The following LPCAT1 variants were observed in gnomAD, a reference collection of about 807,000 sequenced individuals.
LPCAT1 encodes 1-acylglycerol-3-phosphate O-acyltransferase.
Under a neutral mutation model 60.9 loss-of-function variants are expected in LPCAT1, and 23 were observed. The ratio of observed to expected loss-of-function variants is 0.38; its 90% CI spans 0.27 to 0.53. The LOEUF is 0.53. Ranked by LOEUF, LPCAT1 falls within the 20% of genes least tolerant of loss-of-function variation. The pLI is 0.82. For synonymous variants in LPCAT1, 340 were observed against 301.1 expected (o/e 1.13, Z -1.34); for missense variants, 622 against 723.6 (o/e 0.86, Z 1.61).
At chr5:1,498,152 G>A (rs770616229) in intron 2 of LPCAT1, among the ~76,000 whole-genome samples, 52 of 152,156 alleles carry the variant, frequency 3.4e-4, no homozygotes, top group Admixed American at 5.9e-4. Context: ...AGTGCATAAC[G>A]TGAGCCAACT....
chr5:1,490,538 C>T (rs531839713), intron 3 of LPCAT1, among the ~76,000 whole-genome samples: 8 of 152,230 alleles, frequency 5.3e-5, no homozygotes, highest in African/African-American at 1.7e-4. Context: ...GAGCCCAATG[C>T]GGCCAGCACT....
At chr5:1,473,909 A>C (rs1275142282) in intron 11 of LPCAT1, 48 bp downstream of exon 11, 3 of 1,583,970 alleles carry the variant, frequency 1.9e-6, no homozygotes, top group Non-Finnish European at 2.6e-6. Flanking sequence ...ATGCTTCAAA[A>C]AGCAGGAGGT....
Position 1,480,974 on chromosome 5 carries a change from G to A in LPCAT1, c.729C>T (p.Asp243=), listed in dbSNP as rs1259430485. 3 of 1,613,784 alleles carry A rather than the reference G, an allele frequency of 1.9e-6. No homozygotes were observed. The highest frequency in any genetic ancestry group is 1.7e-6 in the Non-Finnish European group (2 of 1,180,012). The change falls in exon 7 of 14, where the codon GAC becomes GAT. Residue 243 remains aspartate (D), a splice_region_variant and synonymous_variant. Coordinates refer to ENST00000283415, the MANE Select transcript of LPCAT1 (RefSeq NM_024830.5). The surrounding 1 kb of genome is among the most constrained non-coding windows in gnomAD (Gnocchi z 6.4). ...GTCCTTGCCACGTCCATGTGATGGT[G>A]TCCTGGGGAGGAAGAGGCAGGGTCA... ...PVVLRYPNKL[D]TITWTWQGPG... is the part of the protein sequence containing the mutation.
rs1176257917 is a variant in LPCAT1, at chr5:1,483,666, A to G, written c.668-180T>C. Among the ~76,000 whole-genome samples the G allele has an allele frequency of 1.3e-5, 2 of 152,246 alleles. No homozygotes were observed. The highest frequency in any genetic ancestry group is 2.9e-5 in the Non-Finnish European group (2 of 68,046). Reference sequence around the variant, plus strand: ...GTCCTGACCGTAAACACCCAGCGCCACAGCACGGATGGGCAGGAACATCGG... The same window carrying G: ...GTCCTGACCGTAAACACCCAGCGCCGCAGCACGGATGGGCAGGAACATCGG... On this transcript the variant is annotated intron_variant, in intron 5 of 13. Transcript: ENST00000283415. This position sits in a 1 kb window ranked among gnomAD's most constrained non-coding sequence, Gnocchi z 9.2.
Position 1,502,894 on chromosome 5 carries a change from G to C in LPCAT1, c.136-1291C>G, listed in dbSNP as rs1255795643. ...GCCACATGTGTCATTTTAAATTTTC[G>C]AGTGGCCACATTTAAAGGGAATGAC... On this transcript the variant is annotated intron_variant, in intron 1 of 13. Transcript: ENST00000283415. This position sits in a 1 kb window ranked among gnomAD's most constrained non-coding sequence, Gnocchi z 5.5. Among the ~76,000 whole-genome samples the C allele has an allele frequency of 6.6e-6, 1 of 151,948 alleles. No homozygotes were observed. Among genetic ancestry groups the C allele is most frequent in the Non-Finnish European group, 1.5e-5 (1 of 68,024 alleles).
chr5:1,467,197 G>A (rs1734451604), intron 12 of LPCAT1: 2 of 326,114 alleles, frequency 6.1e-6, no homozygotes, highest in Non-Finnish European at 1.1e-5. Flanking sequence ...CTGCCACTGG[G>A]AGGCCGCGGA....
chr5:1,481,081 G>T lies in LPCAT1; in HGVS notation c.727-105C>A. On this transcript the variant is annotated intron_variant, in intron 6 of 13. Coordinates refer to ENST00000283415, the MANE Select transcript of LPCAT1 (RefSeq NM_024830.5). The surrounding 1 kb of genome is among the most constrained non-coding windows in gnomAD (Gnocchi z 7.8). Reference sequence around the variant, plus strand: ...TCCCTGCACCTCCCACCCCACAGAGGCGCTGCAGCCAGGGGGAAGGGAGGA... The same window carrying T: ...TCCCTGCACCTCCCACCCCACAGAGTCGCTGCAGCCAGGGGGAAGGGAGGA... 7.3e-7 allele frequency: 1 copy of T among 1,373,118 alleles called. No individual in the cohort carries two copies. The highest frequency in any genetic ancestry group is 1.0e-6 in the Non-Finnish European group (1 of 970,720). The allele number at this position is 1,373,118 out of a possible 1,614,324, so 85.1% of individuals were successfully genotyped here. A position where few individuals can be genotyped will look rare whatever the true frequency, so the allele number is the denominator to read the frequency against.
intron 1 of LPCAT1, among the ~76,000 whole-genome samples, chr5:1,507,110 G>T (rs1485849136): frequency 6.6e-6 from 1 of 152,192 alleles, no homozygotes; most frequent in Non-Finnish European, 1.5e-5. Flanking sequence ...GCGGAGAGGG[G>T]GAGGGACTCA....
rs1579778010 is a variant in LPCAT1 at position 1,483,770 on chromosome 5, T to C, written c.668-284A>G. ...CTGGAAGGCGTCTGTGGAGGGACAC[T>C]TGCTATTATAACATTGCGCACGAGC... On this transcript the variant is annotated intron_variant, in intron 5 of 13. Transcript: ENST00000283415. This position sits in a 1 kb window ranked among gnomAD's most constrained non-coding sequence, Gnocchi z 9.2. Among the ~76,000 whole-genome samples, 2 of 150,810 alleles carry C rather than the reference T, an allele frequency of 1.3e-5. No homozygotes were observed. Among genetic ancestry groups the C allele is most frequent in the African/African-American group, 4.9e-5 (2 of 40,996 alleles).
At chr5:1,484,782 G>A (rs1357176872) in intron 5 of LPCAT1, among the ~76,000 whole-genome samples, 3 of 152,248 alleles carry the variant, frequency 2.0e-5, no homozygotes, top group Non-Finnish European at 2.9e-5. Flanking sequence ...TGTCCAGCTG[G>A]CACCCCAAGT....
chr5:1,506,234 G>A (rs1415929307), intron 1 of LPCAT1, among the ~76,000 whole-genome samples: 1 of 152,198 alleles, frequency 6.6e-6, no homozygotes, highest in East Asian at 1.9e-4. Context: ...AGGAGGAGGA[G>A]CAGTGCTCCT....
chr5:1,520,619 G>A (rs1274803405), intron 1 of LPCAT1, among the ~76,000 whole-genome samples: 1 of 152,148 alleles, frequency 6.6e-6, no homozygotes, highest in Non-Finnish European at 1.5e-5. Flanking sequence ...CCAGCACTTT[G>A]GGAGGCCGAG....
chr5:1,469,225 G>A (rs1160756984), intron 12 of LPCAT1, among the ~76,000 whole-genome samples: 4 of 152,120 alleles, frequency 2.6e-5, no homozygotes, highest in African/African-American at 7.2e-5. Flanking sequence ...CTCACCCATC[G>A]CCTGGTTCAC....
chr5:1,469,123 C>T (rs1261468321), intron 12 of LPCAT1, among the ~76,000 whole-genome samples: 1 of 152,182 alleles, frequency 6.6e-6, no homozygotes, highest in Non-Finnish European at 1.5e-5. Context: ...CCTGGTGTCG[C>T]CGTGGGGACG....
At chr5:1,505,435 ACTGCCAG>A (rs1736152849) in intron 1 of LPCAT1, among the ~76,000 whole-genome samples, 1 of 152,274 alleles carries the variant, frequency 6.6e-6, no homozygotes, top group Non-Finnish European at 1.5e-5. Context: ...AACAGCACCG[ACTGCCAG>A]GCCATTCCAT....
intron 1 of LPCAT1, among the ~76,000 whole-genome samples, chr5:1,507,340 A>AT (rs1736218069): frequency 6.6e-6 from 1 of 152,256 alleles, no homozygotes; most frequent in African/African-American, 2.4e-5. Context: ...TGTGTGAGCC[A>AT]TAAGTGAGGG....
intron 5 of LPCAT1, among the ~76,000 whole-genome samples, chr5:1,484,191 AG>A (rs1471446032): frequency 1.3e-5 from 2 of 152,166 alleles, no homozygotes; most frequent in African/African-American, 4.8e-5. Flanking sequence ...AATCAGGAGG[AG>A]CCCCAGCGAG....
intron 8 of LPCAT1, among the ~76,000 whole-genome samples, chr5:1,478,033 G>A (rs983485778): frequency 2.0e-5 from 3 of 152,274 alleles, no homozygotes; most frequent in Non-Finnish European, 4.4e-5. Flanking sequence ...ATCTCACAGA[G>A]GGGCTTACGC....
chr5:1,472,266 G>A (rs1734712815), intron 11 of LPCAT1, among the ~76,000 whole-genome samples: 1 of 152,086 alleles, frequency 6.6e-6, no homozygotes, highest in Non-Finnish European at 1.5e-5. Flanking sequence ...GAGCACCCAG[G>A]GGCAGAGGGA....
Sources: gnomAD v4.1 joint callset for allele counts (sites outside exome capture counted in the v4.1 genomes callset) on GRCh38, gnomAD v4.1.1 for gene constraint, Gnocchi (gnomAD v3.1) non-coding constraint, MANE v1.5 for transcripts, NCBI Gene and HGNC (gene_info 2026-07-23, HGNC 2026-07-21) for gene names.